The following SCFD2 variants were observed in gnomAD, a reference collection of about 807,000 sequenced individuals.
SCFD2 encodes sec1 family domain containing 2.
In SCFD2, 54 loss-of-function variants were observed where a neutral mutation model predicts 58.9. The observed-to-expected ratio is 0.92, with a 90% CI of 0.74 to 1.15. The LOEUF is 1.15. SCFD2 is among the 50% of genes most tolerant of loss of function. SCFD2 has a pLI of 0.00. For synonymous variants in SCFD2, 321 were observed against 335.9 expected (o/e 0.96, Z 0.49); for missense variants, 805 against 836.6 (o/e 0.96, Z 0.47).
intron 5 of SCFD2, among the ~76,000 whole-genome samples, chr4:53,096,106 A>T (rs1347450235): frequency 6.6e-6 from 1 of 152,128 alleles, no homozygotes; most frequent in Non-Finnish European, 1.5e-5. Flanking sequence ...CATTTTCTTA[A>T]TCCAGTCTAT....
At chr4:53,359,831 C>A (rs1038447543) in intron 1 of SCFD2, among the ~76,000 whole-genome samples, 1 of 152,202 alleles carries the variant, frequency 6.6e-6, no homozygotes, top group African/African-American at 2.4e-5. Flanking sequence ...CAGGAGCACC[C>A]TTGCCAACAA....
intron 4 of SCFD2, among the ~76,000 whole-genome samples, chr4:53,245,585 A>T (rs1346270201): frequency 6.6e-6 from 1 of 152,192 alleles, no homozygotes; most frequent in Non-Finnish European, 1.5e-5. Flanking sequence ...CACTCAACAA[A>T]CTAGGTATTG....
At chr4:53,179,181 T>A (rs1227088382) in intron 4 of SCFD2, among the ~76,000 whole-genome samples, 1 of 151,952 alleles carries the variant, frequency 6.6e-6, no homozygotes, top group Admixed American at 6.6e-5. Flanking sequence ...GAGGAGCAAC[T>A]CCAAGACACA....
Position 52,905,402 on chromosome 4 carries a change from A to C in SCFD2, c.1842+2055T>G, listed in dbSNP as rs1719320498. On this transcript the variant is annotated intron_variant, in intron 7 of 8. Transcript: ENST00000401642. ...GAAGGCCCATTTAGAAACCAAACAA[A>C]ATGGCTCTCCTTTGGGGGCTGGAGT... Among the ~76,000 whole-genome samples the C allele has an allele frequency of 1.3e-5, 2 of 152,106 alleles. 1 individual carries two copies. The highest frequency in any genetic ancestry group is 4.1e-4 in the South Asian group (2 of 4,828).
chr4:53,231,244 G>C (rs1729428569), intron 4 of SCFD2, among the ~76,000 whole-genome samples: 2 of 152,072 alleles, frequency 1.3e-5, no homozygotes, highest in African/African-American at 4.8e-5. Context: ...GATCTGTGCT[G>C]ACTATAATCC....
chr4:52,994,691 T>C (rs1455674973), intron 5 of SCFD2, among the ~76,000 whole-genome samples: 2 of 152,206 alleles, frequency 1.3e-5, no homozygotes, highest in African/African-American at 4.8e-5. Flanking sequence ...TAAAGTCCTG[T>C]CTGTTGTGAG....
chr4:53,198,001 T>G (rs1202746680), intron 4 of SCFD2, among the ~76,000 whole-genome samples: 1 of 152,104 alleles, frequency 6.6e-6, no homozygotes, highest in African/African-American at 2.4e-5. Context: ...TTGTACTTAA[T>G]GCTTGGCTTC....
At chr4:52,966,056 T>C (rs1286946584) in intron 5 of SCFD2, among the ~76,000 whole-genome samples, 1 of 152,122 alleles carries the variant, frequency 6.6e-6, no homozygotes, top group Non-Finnish European at 1.5e-5. Context: ...GAAAACGACA[T>C]CTGATTTATA....
intron 4 of SCFD2, among the ~76,000 whole-genome samples, chr4:53,238,744 C>T (rs1729778952): frequency 1.3e-5 from 2 of 149,662 alleles, no homozygotes; most frequent in Admixed American, 1.3e-4. Flanking sequence ...CAGAGGCGCT[C>T]CCCACATCTC....
chr4:53,003,793 A>T (rs546681879), intron 5 of SCFD2, among the ~76,000 whole-genome samples: 1 of 152,320 alleles, frequency 6.6e-6, no homozygotes, highest in Non-Finnish European at 1.5e-5. Context: ...TCTAAGGAGG[A>T]CAGTAGAAAA....
intron 2 of SCFD2, among the ~76,000 whole-genome samples, chr4:53,331,633 A>G (rs1733474209): frequency 1.3e-5 from 2 of 152,200 alleles, no homozygotes; most frequent in African/African-American, 4.8e-5. Context: ...AAATGCCCAC[A>G]GGAGAAAGAA....
At chr4:53,033,219 C>T (rs1226691348) in intron 5 of SCFD2, among the ~76,000 whole-genome samples, 2 of 152,092 alleles carry the variant, frequency 1.3e-5, no homozygotes, top group South Asian at 4.1e-4. Context: ...TGAATGACTA[C>T]TGGGTAAATA....
Position 52,907,534 on chromosome 4 carries a change from G to T in SCFD2, c.1765C>A (p.Pro589Thr), listed in dbSNP as rs745370869. The change falls in exon 7 of 9, where the codon CCA becomes ACA. Residue 589 changes from proline (P) to threonine (T), a missense_variant. Pro to Thr is a conservative substitution (Grantham distance 38, BLOSUM62 -1). This residue lies in a region of SCFD2 where 633 missense variants were observed against 646.8 expected (regional missense o/e 0.98). Coordinates refer to ENST00000401642, the MANE Select transcript of SCFD2 (RefSeq NM_152540.4). ...VVEEIFHPER[P>T]DSVDIEHMSS... is the part of the protein sequence containing the mutation. Reference sequence around the variant, plus strand: ...ATGTGTTCAATATCAACGGAATCTGGCCTCTCGGGATGAAATATTTCCTCC... The same window carrying T: ...ATGTGTTCAATATCAACGGAATCTGTCCTCTCGGGATGAAATATTTCCTCC... 1.2e-6 allele frequency: 2 copies of T among 1,613,940 alleles called. No individual in the cohort carries two copies. Among genetic ancestry groups the T allele is most frequent in the South Asian group, 1.1e-5 (1 of 91,056 alleles).
intron 3 of SCFD2, among the ~76,000 whole-genome samples, chr4:53,278,805 G>A (rs1007013525): frequency 2.0e-5 from 3 of 148,102 alleles, no homozygotes; most frequent in Non-Finnish European, 3.0e-5. Flanking sequence ...TATAAATCAC[G>A]ACAGCAGATT....
At chr4:53,054,894 T>C (rs1055296962) in intron 5 of SCFD2, among the ~76,000 whole-genome samples, 15 of 152,136 alleles carry the variant, frequency 9.9e-5, no homozygotes, top group Non-Finnish European at 5.9e-5. Context: ...GTTCAAGCAA[T>C]CTGTCCACTT....
intron 4 of SCFD2, among the ~76,000 whole-genome samples, chr4:53,203,035 T>C (rs978111220): frequency 2.0e-5 from 3 of 152,336 alleles, no homozygotes; most frequent in South Asian, 2.1e-4. Flanking sequence ...TCCTGCCTGA[T>C]TGCCCTGGCC....
At chr4:53,070,608 A>T (rs1411171522) in intron 5 of SCFD2, among the ~76,000 whole-genome samples, 3 of 152,074 alleles carry the variant, frequency 2.0e-5, no homozygotes, top group Admixed American at 2.0e-4. Flanking sequence ...AAAATGATAA[A>T]CATTATCAAC....
intron 3 of SCFD2, among the ~76,000 whole-genome samples, chr4:53,289,602 ATGGCAATAG>A (rs1244665531): frequency 6.6e-6 from 1 of 152,190 alleles, no homozygotes; most frequent in African/African-American, 2.4e-5. Context: ...AATTAACAAA[ATGGCAATAG>A]TAAACACTTG....
chr4:53,299,405 A>C (rs1732182588), intron 3 of SCFD2, among the ~76,000 whole-genome samples: 1 of 152,222 alleles, frequency 6.6e-6, no homozygotes. Context: ...AAAAAGAATA[A>C]AAAGAAACGA....
Sources: gnomAD v4.1 joint callset for allele counts (sites outside exome capture counted in the v4.1 genomes callset) on GRCh38, gnomAD v4.1.1 for gene constraint, gnomAD v4.1.1 regional missense constraint, MANE v1.5 for transcripts, NCBI Gene and HGNC (gene_info 2026-07-23, HGNC 2026-07-21) for gene names.